DUXA: variants seen among roughly 807,000 people sequenced by gnomAD.
The protein encoded by DUXA is double homeobox A.
In DUXA, 25 loss-of-function variants were observed where a neutral mutation model predicts 27.5. The observed-to-expected ratio is 0.91, with a 90% confidence interval of 0.66 to 1.27. DUXA has a LOEUF of 1.27. DUXA is among the 50% of genes most tolerant of loss of function. The pLI, the probability that DUXA is intolerant of heterozygous loss-of-function variation, is 0.00. For missense variants in DUXA, 247 were observed against 242.9 expected, an observed-to-expected ratio of 1.02 and a Z score of -0.11; for synonymous variants, 90 against 80.5, an observed-to-expected ratio of 1.12 and a Z score of -0.63.
At chr19:57,155,646 A>AAGATACATAGATAGATAGAT (rs2086989258) in intron 4 of DUXA, among the ~76,000 whole-genome samples, 1 of 144,012 alleles carries the variant, frequency 6.9e-6, no homozygotes, top group Non-Finnish European at 1.5e-5. Flanking sequence ...TGCCCAACCC[A>AAGATACATAGATAGATAGAT]AGATAGATAG....
intron 4 of DUXA, among the ~76,000 whole-genome samples, chr19:57,157,493 G>A (rs1054877115): frequency 1.9e-4 from 29 of 151,806 alleles, no homozygotes; most frequent in South Asian, 4.1e-4. Context: ...CACCGTGCCC[G>A]GTTAATTTTT....
At chr19:57,158,189 A>G (rs1467524624) in intron 4 of DUXA, 139 bp downstream of exon 4, 2 of 958,874 alleles carry the variant, frequency 2.1e-6, no homozygotes, top group East Asian at 4.8e-5. Context: ...CTGGGGGTAG[A>G]AGCCAGCAGA....
chr19:57,160,772 G>T lies in DUXA; in HGVS notation c.51C>A (p.Arg17=). The change falls in exon 2 of 6, where the codon CGC becomes CGA. Residue 17 remains arginine (R), a synonymous_variant. Transcript: ENST00000554048. The part of the protein sequence containing the change: ...SHKMVKTNHR[R]CRTKFTEEQL... ...GTTCTTCTGTGAATTTTGTGCGACA[G>T]CGCCTATGATTTGTTTTTACCATCT... The T allele has an allele frequency of 6.2e-7, 1 of 1,614,188 alleles. No homozygotes were observed. Among genetic ancestry groups the T allele is most frequent in the Non-Finnish European group, 8.5e-7 (1 of 1,180,034 alleles).
chr19:57,154,831 G>A (rs1188473214), intron 5 of DUXA, among the ~76,000 whole-genome samples: 2 of 152,158 alleles, frequency 1.3e-5, no homozygotes, highest in East Asian at 3.9e-4. Context: ...CCAAAGTGCT[G>A]GGATTACAGG....
At position 57,163,558 on chromosome 19, in the gene DUXA, C is replaced by A. The variant is rs145787645; in HGVS notation, c.26-2761G>T. On this transcript the variant is annotated intron_variant, in intron 1 of 5. Transcript: ENST00000554048. ...TCCTGGGTTCAAGTGATTCCCCTGC[C>A]TCAGACTCCTGAGTAGCTGGGATTA... Among the ~76,000 whole-genome samples, 81 of 152,300 alleles carry A rather than the reference C, an allele frequency of 5.3e-4. 1 individual carries two copies. In the East Asian group the frequency reaches 0.013, roughly 25 times the overall value.
rs757668715 is a variant in DUXA, at chr19:57,159,239, T to G, written c.220A>C (p.Lys74Gln). ...QNRRARHGFQ[K>Q]RPEAETLESS... ...TCTAAAGTCTCAGCTTCTGGTCTTT[T>G]CTGGAATCCGTGCCTAGCTCTTCGA... Residue 74 changes from lysine (K) to glutamine (Q), a missense_variant, in exon 3 of 6, where the codon AAA (lysine) becomes CAA (glutamine). Lys to Gln is a moderately conservative substitution (Grantham distance 53, BLOSUM62 1). Transcript: ENST00000554048. The G allele has an allele frequency of 6.2e-7, 1 of 1,614,184 alleles. No homozygotes were observed. Among genetic ancestry groups the G allele is most frequent in the Non-Finnish European group, 8.5e-7 (1 of 1,180,032 alleles).
intron 1 of DUXA, among the ~76,000 whole-genome samples, chr19:57,161,651 AAAAT>A (rs1203438388): frequency 6.6e-6 from 1 of 152,048 alleles, no homozygotes; most frequent in East Asian, 1.9e-4. Context: ...AGTAAAATAA[AAAAT>A]AAATAAAAAT....
intron 1 of DUXA, among the ~76,000 whole-genome samples, chr19:57,163,447 C>CTCT (rs1555759063): frequency 3.4e-5 from 5 of 148,828 alleles, no homozygotes; most frequent in African/African-American, 1.2e-4. Context: ...CATCCTCTCT[C>CTCT]TTTTTTTTTT....
At chr19:57,161,627 A>AC (rs909902696) in intron 1 of DUXA, among the ~76,000 whole-genome samples, 11 of 152,018 alleles carry the variant, frequency 7.2e-5, no homozygotes, top group African/African-American at 1.7e-4. Flanking sequence ...CGTCTCAAAA[A>AC]AAAAACAAAA....
chr19:57,154,774 A>G (rs190883808), intron 5 of DUXA, among the ~76,000 whole-genome samples: 2 of 152,140 alleles, frequency 1.3e-5, no homozygotes, highest in East Asian at 3.9e-4. Flanking sequence ...CGTGTTAGCC[A>G]GGATGGTCTC....
intron 1 of DUXA, among the ~76,000 whole-genome samples, chr19:57,165,152 A>G (rs1157125994): frequency 2.0e-5 from 3 of 151,936 alleles, no homozygotes; most frequent in African/African-American, 7.2e-5. Context: ...GTATATTTGT[A>G]AGTAACACCA....
intron 2 of DUXA, 141 bp downstream of exon 2, chr19:57,160,502 C>T: frequency 2.0e-6 from 2 of 1,004,920 alleles, no homozygotes; most frequent in South Asian, 1.7e-5. Context: ...CTAAGACCAA[C>T]ACCTTCGTGG....
intron 5 of DUXA, among the ~76,000 whole-genome samples, chr19:57,154,709 G>C (rs902896604): frequency 2.6e-5 from 4 of 151,946 alleles, no homozygotes; most frequent in Non-Finnish European, 5.9e-5. Context: ...GACTACAGGC[G>C]CCCGCCACCA....
At chr19:57,158,199 A>G in intron 4 of DUXA, 129 bp downstream of exon 4, 3 of 1,059,406 alleles carry the variant, frequency 2.8e-6, no homozygotes, top group South Asian at 1.5e-5. Context: ...AAGCCAGCAG[A>G]CAGGGAACAG....
intron 1 of DUXA, 24 bp from the exon 2 acceptor site, chr19:57,160,821 A>T (rs185513787): frequency 6.2e-7 from 1 of 1,612,342 alleles, no homozygotes; most frequent in South Asian, 1.1e-5. Flanking sequence ...ACAAAAGAAG[A>T]AGCATGTAAT....
At chr19:57,166,572 T>A (rs1470076160) in intron 1 of DUXA, among the ~76,000 whole-genome samples, 1 of 152,176 alleles carries the variant, frequency 6.6e-6, no homozygotes, top group African/African-American at 2.4e-5. Flanking sequence ...CCTCCCAAAG[T>A]GCTGGGATTA....
Position 57,163,868 on chromosome 19 carries a change from A to G in DUXA, c.26-3071T>C, listed in dbSNP as rs568151356. Among the ~76,000 whole-genome samples, 4 of 152,236 alleles carry G rather than the reference A, an allele frequency of 2.6e-5. No homozygotes were observed. The South Asian group carries it at 8.3e-4, about 32-fold the overall frequency. ...TTCCAACCCATTATCTTACATTTTGAATGGCTCTTTTACCTATCGATGATT... is the reference window on the plus strand; with the variant it reads ...TTCCAACCCATTATCTTACATTTTGGATGGCTCTTTTACCTATCGATGATT... On this transcript the variant is annotated intron_variant, in intron 1 of 5. Transcript: ENST00000554048.
At chr19:57,159,018 G>A in intron 3 of DUXA, 149 bp downstream of exon 3, 1 of 621,296 alleles carries the variant, frequency 1.6e-6, no homozygotes, top group African/African-American at 1.9e-5. Flanking sequence ...AAGAGGGCAG[G>A]GGAGAACTTC....
At position 57,154,453 on chromosome 19, in the gene DUXA, AG is replaced by A. The variant is rs151293806; in HGVS notation, c.573del (p.Phe192SerfsTer22). On this transcript the variant is annotated frameshift_variant, in exon 6 of 6. Coordinates refer to ENST00000554048, the MANE Select transcript of DUXA (RefSeq NM_001012729.2). LOFTEE classifies it low-confidence loss of function (END_TRUNC). ...QGAEDTQNGT[N>X]FTSDSHFSGA... ...CCAGAGAAATGAGAGTCACTAGTGA[AG>A]TTGGTGCCATTTTGTGTATCTTCTG... The A allele has an allele frequency of 4.4e-3, 7,085 of 1,613,778 alleles. 24 individuals are homozygous for A. Among genetic ancestry groups the A allele is most frequent in the Non-Finnish European group, 5.2e-3 (6,176 of 1,179,702 alleles).
Sources: allele counts gnomAD v4.1 joint callset (sites outside exome capture counted in the v4.1 genomes callset), GRCh38; gene constraint gnomAD v4.1.1; transcripts MANE v1.5; gene names NCBI Gene and HGNC (gene_info 2026-07-23, HGNC 2026-07-21).